ADCY10: variants seen among roughly 807,000 people sequenced by gnomAD.
The protein encoded by ADCY10 is adenylate cyclase type 10.
ADCY10 carries 156 observed loss-of-function variants against 183.3 expected under a neutral mutation model. That is an observed-to-expected ratio of 0.85 (90% CI 0.75 to 0.97). The LOEUF (loss-of-function observed/expected upper bound fraction) is 0.97. Ranked by LOEUF, ADCY10 falls within the 50% of genes least tolerant of loss-of-function variation. The probability of loss-of-function intolerance (pLI) is 0.00; values close to 1 mark genes in which losing one functional copy is unlikely to be tolerated. For synonymous variants in ADCY10, 645 were observed against 670.0 expected, an observed-to-expected ratio of 0.96 and a Z score of 0.58; for missense variants, 1,745 against 1,934.3, an observed-to-expected ratio of 0.90 and a Z score of 1.84.
intron 31 of ADCY10, among the ~76,000 whole-genome samples, chr1:167,812,391 T>G (rs1662274624): frequency 6.6e-6 from 1 of 152,200 alleles, no homozygotes; most frequent in Non-Finnish European, 1.5e-5. Flanking sequence ...AGAAAGTGAC[T>G]GTGCATGCCT....
Position 167,880,595 on chromosome 1 carries a change from G to A in ADCY10, c.1035C>T (p.Leu345=). ...TTTCCCCAGGGAAGCCAAAGACACAGAGGAAAGAGCAGCCCTGTGAGGGAG... is the reference window on the plus strand; with the variant it reads ...TTTCCCCAGGGAAGCCAAAGACACAAAGGAAAGAGCAGCCCTGTGAGGGAG... The part of the protein sequence containing the change: ...VFMFDKGCSF[L]CVFGFPGEKV... Residue 345 remains leucine, a synonymous_variant, in exon 10 of 33, where the codon CTC becomes CTT. Transcript: ENST00000367851. 1.2e-6 allele frequency: 2 copies of A among 1,613,630 alleles called. No homozygotes were observed. The highest frequency in any genetic ancestry group is 3.3e-5 in the Admixed American group (2 of 60,018).
chr1:167,856,069 A>T, intron 17 of ADCY10, 96 bp downstream of exon 17: 1 of 1,350,612 alleles, frequency 7.4e-7, no homozygotes, highest in Non-Finnish European at 1.0e-6. Context: ...ATACTGAAAT[A>T]GGCACATCAA....
rs1259142488 is a variant in ADCY10, at chr1:167,809,921, C to T, written c.4672-82G>A. On this transcript the variant is annotated intron_variant, in intron 32 of 32. Coordinates refer to ENST00000367851, the MANE Select transcript of ADCY10 (RefSeq NM_018417.6). The stretch of plus-strand genomic sequence containing the variant: ...AAGGTTAGTCCAATATCAAACAAGG[C>T]AAAACATCTTTGGTAAAAACCATGT... The T allele has an allele frequency of 7.8e-6, 11 of 1,418,436 alleles. No individual in the cohort carries two copies. The East Asian group carries it at 2.1e-4, about 27-fold the overall frequency. 87.9% of individuals were successfully genotyped at this position (1,418,436 alleles called of 1,614,324 possible).
intron 20 of ADCY10, 23 bp downstream of exon 20, chr1:167,845,962 G>A (rs1194469534): frequency 6.2e-7 from 1 of 1,614,126 alleles, no homozygotes; most frequent in Admixed American, 1.7e-5. Context: ...AGAGGAAATT[G>A]GGTCACTCCA....
At position 167,809,661 on chromosome 1, in the gene ADCY10, CT is replaced by C; in HGVS notation, c.*16del. On this transcript the variant is annotated 3_prime_UTR_variant, in exon 33 of 33. Transcript: ENST00000367851. ...ACAAGGACATAGTGCTTATTAAAAT[CT>C]TTTTTCTTTGACATGTTAGAAATGA... 6.2e-7 allele frequency: 1 copy of C among 1,613,732 alleles called. No individual in the cohort carries two copies. Among genetic ancestry groups the C allele is most frequent in the Non-Finnish European group, 8.5e-7 (1 of 1,179,680 alleles).
intron 8 of ADCY10, among the ~76,000 whole-genome samples, chr1:167,889,022 C>G (rs1221309014): frequency 1.3e-5 from 2 of 151,974 alleles, no homozygotes; most frequent in African/African-American, 4.8e-5. Context: ...ATAAGATCAT[C>G]TGAAAACAAG....
At chr1:167,831,373 T>C (rs1372972524) in intron 25 of ADCY10, among the ~76,000 whole-genome samples, 2 of 152,140 alleles carry the variant, frequency 1.3e-5, no homozygotes, top group Non-Finnish European at 2.9e-5. Flanking sequence ...TCTGTATTTT[T>C]AGTAGAGACG....
At chr1:167,863,760 C>T (rs1666467274) in intron 14 of ADCY10, among the ~76,000 whole-genome samples, 1 of 152,226 alleles carries the variant, frequency 6.6e-6, no homozygotes, top group African/African-American at 2.4e-5. Context: ...CAGTGTGTGG[C>T]AGGCCCCCGT....
At position 167,854,377 on chromosome 1, in the gene ADCY10, T is replaced by G; in HGVS notation, c.2284A>C (p.Asn762His). The G allele has an allele frequency of 6.2e-7, 1 of 1,614,190 alleles. No individual in the cohort carries two copies. Among genetic ancestry groups the G allele is most frequent in the Non-Finnish European group, 8.5e-7 (1 of 1,180,014 alleles). The change falls in exon 18 of 33, where the codon AAT becomes CAT. Residue 762 changes from asparagine to histidine, a missense_variant. Coordinates refer to ENST00000367851, the MANE Select transcript of ADCY10 (RefSeq NM_018417.6). Reference sequence around the variant, plus strand: ...CTGAACAGGTTATTCCAGGTCCTATTTGTCTTTTCCTCAGACTCCGTTTGT... The same window carrying G: ...CTGAACAGGTTATTCCAGGTCCTATGTGTCTTTTCCTCAGACTCCGTTTGT... ...FQQTESEEKT[N>H]RTWNNLFKYS...
intron 20 of ADCY10, 63 bp from the exon 21 acceptor site, chr1:167,845,916 A>G: frequency 6.2e-7 from 1 of 1,614,044 alleles, no homozygotes; most frequent in East Asian, 2.2e-5. Context: ...CCTTCTACCT[A>G]ACATAGGTCA....
chr1:167,831,263 C>G (rs1663710286), intron 25 of ADCY10, among the ~76,000 whole-genome samples: 1 of 152,020 alleles, frequency 6.6e-6, no homozygotes, highest in Non-Finnish European at 1.5e-5. Context: ...GATCTTGGCT[C>G]ACTTTAACCT....
At chr1:167,867,070 C>T (rs1280962858) in intron 14 of ADCY10, among the ~76,000 whole-genome samples, 1 of 152,144 alleles carries the variant, frequency 6.6e-6, no homozygotes, top group Non-Finnish European at 1.5e-5. Context: ...TGTGAAAATC[C>T]CCACATAACC....
chr1:167,896,491 T>G (rs558042001), intron 7 of ADCY10, 104 bp downstream of exon 7: 17 of 895,646 alleles, frequency 1.9e-5, no homozygotes, highest in South Asian at 1.7e-4. Flanking sequence ...GACCAGGAGC[T>G]GTGTTGAGGA....
At chr1:167,863,321 T>G (rs1475350181) in intron 14 of ADCY10, among the ~76,000 whole-genome samples, 2 of 152,260 alleles carry the variant, frequency 1.3e-5, no homozygotes, top group African/African-American at 4.8e-5. Flanking sequence ...GTGAAATCTC[T>G]CGTTCTGTTC....
At chr1:167,844,234 T>A (rs1664845390) in intron 21 of ADCY10, among the ~76,000 whole-genome samples, 1 of 152,228 alleles carries the variant, frequency 6.6e-6, no homozygotes, top group Non-Finnish European at 1.5e-5. Context: ...GATGAGACTA[T>A]TGCTGAAGTC....
chr1:167,860,304 A>G (rs1019451219), intron 15 of ADCY10, among the ~76,000 whole-genome samples: 1 of 152,162 alleles, frequency 6.6e-6, no homozygotes, highest in Non-Finnish European at 1.5e-5. Flanking sequence ...GGAGCATGCA[A>G]CCTAGGTCCC....
intron 7 of ADCY10, 66 bp from the exon 8 acceptor site, chr1:167,894,007 G>A: frequency 1.8e-6 from 2 of 1,087,898 alleles, no homozygotes; most frequent in Non-Finnish European, 1.4e-6. Flanking sequence ...CTAGTGAGAG[G>A]AGGCTCCCAG....
chr1:167,855,353 C>A (rs866158513), intron 17 of ADCY10, among the ~76,000 whole-genome samples: 1 of 151,682 alleles, frequency 6.6e-6, no homozygotes, highest in African/African-American at 2.4e-5. Flanking sequence ...AACAAACAAA[C>A]AAAAAACAAA....
intron 21 of ADCY10, among the ~76,000 whole-genome samples, chr1:167,837,853 A>G (rs966641840): frequency 4.6e-5 from 7 of 152,228 alleles, no homozygotes; most frequent in Admixed American, 6.5e-5. Context: ...TAAATGAAAT[A>G]CCCCAAAAGG....
Sources: allele counts gnomAD v4.1 joint callset (sites outside exome capture counted in the v4.1 genomes callset), GRCh38; gene constraint gnomAD v4.1.1; transcripts MANE v1.5; gene names NCBI Gene and HGNC (gene_info 2026-07-23, HGNC 2026-07-21).